SLC27A6: variants seen among roughly 807,000 people sequenced by gnomAD.
The protein encoded by SLC27A6 is solute carrier family 27 member 6, also known as long-chain fatty acid transport protein 6.
SLC27A6 carries 74 observed loss-of-function variants against 63.9 expected under a neutral mutation model. The ratio of observed to expected loss-of-function variants is 1.16; its 90% CI spans 0.96 to 1.40. The LOEUF (loss-of-function observed/expected upper bound fraction) is 1.40, where lower values mean the gene tolerates loss of function less well. Ranked by LOEUF, SLC27A6 falls within the 40% of genes most tolerant of loss-of-function variation. The probability of loss-of-function intolerance (pLI) is 0.00; values close to 1 mark genes in which losing one functional copy is unlikely to be tolerated. For missense variants in SLC27A6, 794 were observed against 732.9 expected (o/e 1.08, Z -0.96); for synonymous variants, 287 against 260.8 (o/e 1.10, Z -0.97).
Position 129,023,620 on chromosome 5 carries a change from C to A in SLC27A6, c.1165C>A (p.Leu389Ile). The A allele has an allele frequency of 6.3e-7, 1 of 1,584,090 alleles. No individual in the cohort carries two copies. Among genetic ancestry groups the A allele is most frequent in the Non-Finnish European group, 8.6e-7 (1 of 1,167,540 alleles). ...ATTTGTTTGATTTTTTTTTTTGCAG[C>A]TTCTTTCCACTTTTGACTTAATAAA... Reference protein sequence around the residue: ...AIGRTNLFYKLLSTFDLIKYD... With the variant: ...AIGRTNLFYKILSTFDLIKYD... Residue 389 changes from leucine (L) to isoleucine (I), a missense_variant and splice_region_variant, in exon 6 of 10, where the codon CTT becomes ATT. Transcript: ENST00000262462.
intron 4 of SLC27A6, among the ~76,000 whole-genome samples, chr5:129,001,943 A>T (rs891970308): frequency 4.6e-5 from 7 of 152,228 alleles, no homozygotes; most frequent in African/African-American, 1.7e-4. Flanking sequence ...CTACAGTTCA[A>T]CTTACTGTGC....
In SLC27A6 at chr5:128,968,639, G is replaced by A. The variant is rs545606919; in HGVS notation, c.481+2021G>A. ...ATTTTTTTCTTGTAAATTTCTTTAA[G>A]TTCTTTGTAGATTCTAGATATTAGC... is the stretch of plus-strand genomic sequence containing the variant. On this transcript the variant is annotated intron_variant, in intron 1 of 9. Coordinates refer to ENST00000262462, the MANE Select transcript of SLC27A6 (RefSeq NM_001017372.3). Among the ~76,000 whole-genome samples the A allele has an allele frequency of 2.8e-4, 42 of 152,186 alleles. No homozygotes were observed. In the South Asian group the frequency reaches 6.0e-3, roughly 22 times the overall value.
In SLC27A6 at chr5:129,033,180, A is replaced by C. The variant is rs758637133; in HGVS notation, c.1758A>C (p.Lys586Asn). 6.2e-7 allele frequency: 1 copy of C among 1,609,546 alleles called. No homozygotes were observed. The highest frequency in any genetic ancestry group is 1.1e-5 in the South Asian group (1 of 90,698). ...QLVEDGFNPL[K>N]ISEPLYFMDN... Reference sequence around the variant, plus strand: ...TGGAAGATGGATTTAATCCACTGAAAATTTCTGAACCACTTTACTTCATGG... The same window carrying C: ...TGGAAGATGGATTTAATCCACTGAACATTTCTGAACCACTTTACTTCATGG... Residue 586 changes from lysine to asparagine, a missense_variant, in exon 10 of 10, where the codon AAA becomes AAC. Physicochemically the swap from Lys to Asn is moderately conservative, Grantham distance 94. Coordinates refer to ENST00000262462, the MANE Select transcript of SLC27A6 (RefSeq NM_001017372.3).
At chr5:128,999,720 C>T (rs10071076) in intron 4 of SLC27A6, among the ~76,000 whole-genome samples, 34,912 of 151,924 alleles carry the variant, frequency 0.23, 5,118 homozygotes, top group East Asian at 0.7. Flanking sequence ...GGACTGTTCC[C>T]CCCCTGGATA....
intron 4 of SLC27A6, among the ~76,000 whole-genome samples, chr5:129,003,352 G>A (rs1751408346): frequency 6.6e-6 from 1 of 152,224 alleles, no homozygotes; most frequent in South Asian, 2.1e-4. Flanking sequence ...ACATTCCAGA[G>A]AACAAAGGGA....
intron 4 of SLC27A6, among the ~76,000 whole-genome samples, chr5:129,006,572 G>T (rs1252616704): frequency 6.6e-6 from 1 of 151,164 alleles, no homozygotes; most frequent in African/African-American, 2.4e-5. Flanking sequence ...ATAAATAAAG[G>T]AATCATATTA....
At chr5:129,017,519 AAAGG>A (rs1412562411) in intron 5 of SLC27A6, among the ~76,000 whole-genome samples, 3 of 152,138 alleles carry the variant, frequency 2.0e-5, no homozygotes, top group African/African-American at 7.2e-5. Flanking sequence ...AAAGGAAATA[AAAGG>A]AAGGAAATAA....
chr5:128,968,733 A>G (rs112784821), intron 1 of SLC27A6, among the ~76,000 whole-genome samples: 34,077 of 151,468 alleles, frequency 0.22, 4,291 homozygotes, highest in Middle Eastern at 0.32. Flanking sequence ...CTCTGATGGC[A>G]GTTTCTTTTG....
intron 1 of SLC27A6, among the ~76,000 whole-genome samples, chr5:128,971,675 C>T (rs929404780): frequency 6.6e-6 from 1 of 151,888 alleles, no homozygotes; most frequent in African/African-American, 2.4e-5. Flanking sequence ...TGAGATGGGT[C>T]TCCTGAATAC....
chr5:128,974,706 C>T (rs538399468), intron 1 of SLC27A6, among the ~76,000 whole-genome samples: 9 of 152,314 alleles, frequency 5.9e-5, no homozygotes, highest in Admixed American at 3.9e-4. Flanking sequence ...GTAAGCCAGA[C>T]AGACCCAAAT....
chr5:129,007,058 T>C (rs1234747897), intron 4 of SLC27A6, among the ~76,000 whole-genome samples: 1 of 152,146 alleles, frequency 6.6e-6, no homozygotes, highest in East Asian at 1.9e-4. Context: ...GAAAATAATA[T>C]ATAGATTTTT....
chr5:129,006,071 G>GTTTTTTTTTTTTTTT lies in SLC27A6; in HGVS notation c.970-9803_970-9789dup, dbSNP rs4068575. On this transcript the variant is annotated intron_variant, in intron 4 of 9. Coordinates refer to ENST00000262462, the MANE Select transcript of SLC27A6 (RefSeq NM_001017372.3). ...TAAAATTTTCATTCCTGTGCACACTGTTTTTTTTTTTTTTTTTTTTTTTTT... is the reference window on the plus strand; with the variant it reads ...TAAAATTTTCATTCCTGTGCACACTGTTTTTTTTTTTTTTTTTTTTTTTTTTTTTTTTTTTTTTTT... 8.2e-3 allele frequency among the ~76,000 whole-genome samples: 491 copies of GTTTTTTTTTTTTTTT among 60,124 alleles called. 113 individuals are homozygous for GTTTTTTTTTTTTTTT. The highest frequency in any genetic ancestry group is 0.023 in the East Asian group (14 of 612). 39.4% of individuals were successfully genotyped at this position (60,124 alleles called of 152,430 possible). A position where few individuals can be genotyped will look rare whatever the true frequency, so the allele number is the denominator to read the frequency against.
At chr5:128,985,768 T>C (rs1273775149) in intron 2 of SLC27A6, among the ~76,000 whole-genome samples, 2 of 152,190 alleles carry the variant, frequency 1.3e-5, no homozygotes, top group Non-Finnish European at 2.9e-5. Context: ...TAAAAAGTGT[T>C]TTAATGTACT....
At chr5:129,031,579 C>T (rs1752415231) in intron 9 of SLC27A6, among the ~76,000 whole-genome samples, 1 of 151,714 alleles carries the variant, frequency 6.6e-6, no homozygotes, top group East Asian at 1.9e-4. Flanking sequence ...AGGAAGTAAT[C>T]AAAGATGTAT....
At chr5:128,976,494 A>T (rs1477903729) in intron 1 of SLC27A6, among the ~76,000 whole-genome samples, 1 of 152,212 alleles carries the variant, frequency 6.6e-6, no homozygotes, top group East Asian at 1.9e-4. Flanking sequence ...AGCCTAGGCA[A>T]CAAGAATGAA....
intron 4 of SLC27A6, among the ~76,000 whole-genome samples, chr5:128,995,655 CG>C (rs758532840): frequency 3.9e-5 from 6 of 151,912 alleles, no homozygotes; most frequent in Admixed American, 1.3e-4. Context: ...GGGAGGTTGC[CG>C]TCATGACAGA....
At chr5:128,976,746 T>C (rs1323737406) in intron 1 of SLC27A6, among the ~76,000 whole-genome samples, 1 of 152,336 alleles carries the variant, frequency 6.6e-6, no homozygotes, top group Admixed American at 6.5e-5. Flanking sequence ...TTTGTGTTTA[T>C]AGAGAAGACA....
At chr5:129,002,792 C>T (rs1275205276) in intron 4 of SLC27A6, among the ~76,000 whole-genome samples, 3 of 152,108 alleles carry the variant, frequency 2.0e-5, no homozygotes, top group Admixed American at 1.3e-4. Context: ...AATTCTTCTT[C>T]TTTTATAGGG....
intron 4 of SLC27A6, among the ~76,000 whole-genome samples, chr5:129,008,865 A>ATT (rs777633985): frequency 0.011 from 1,369 of 122,802 alleles, 28 homozygotes; most frequent in African/African-American, 0.038. Context: ...TTTTCAATTG[A>ATT]TTTTTTTTTT....
Sources: allele counts gnomAD v4.1 joint callset (sites outside exome capture counted in the v4.1 genomes callset), GRCh38; gene constraint gnomAD v4.1.1; transcripts MANE v1.5; gene names NCBI Gene and HGNC (gene_info 2026-07-23, HGNC 2026-07-21).